Variants in ANK3 observed in about 807,000 individuals in gnomAD.
The protein encoded by ANK3 is ankyrin-3.
A neutral mutation model predicts 370.9 loss-of-function variants in ANK3; 57 were observed. The ratio of observed to expected loss-of-function variants is 0.15; its 90% CI spans 0.12 to 0.19. ANK3 has a LOEUF of 0.19. Among genes scored for constraint, ANK3 ranks in the 10% least tolerant of loss-of-function variants. ANK3 has a pLI of 1.00. For missense variants in ANK3, 4,439 were observed against 5,302.1 expected, an observed-to-expected ratio of 0.84 and a Z score of 5.06; for synonymous variants, 1,929 against 1,946.3, an observed-to-expected ratio of 0.99 and a Z score of 0.23.
intron 1 of ANK3, among the ~76,000 whole-genome samples, chr10:60,296,044 A>G (rs1490257988): frequency 1.3e-5 from 2 of 152,194 alleles, no homozygotes; most frequent in African/African-American, 2.4e-5. Context: ...CGAAGAGAAC[A>G]TTTAAGCAAA....
chr10:60,282,974 A>G (rs542050870), intron 1 of ANK3, among the ~76,000 whole-genome samples: 1 of 152,300 alleles, frequency 6.6e-6, no homozygotes, highest in African/African-American at 2.4e-5. Context: ...CCACCGGCAA[A>G]CAAAACAGCC....
rs145022058 is a variant in ANK3, at chr10:60,140,028, G to T, written c.2615-941C>A. 25 of 385,836 alleles carry T rather than the reference G, an allele frequency of 6.5e-5. 1 individual carries two copies. The highest frequency in any genetic ancestry group is 5.0e-4 in the African/African-American group (24 of 47,838). The allele number at this position is 385,836 out of a possible 1,614,324, so 23.9% of individuals were successfully genotyped here. A position where few individuals can be genotyped will look rare whatever the true frequency, so the allele number is the denominator to read the frequency against. ...CTTCACTGGCCAAGAGATTGCAAAAGTGTACATGTTGTGTTTTCTCAAAGG... is the reference window on the plus strand; with the variant it reads ...CTTCACTGGCCAAGAGATTGCAAAATTGTACATGTTGTGTTTTCTCAAAGG... On this transcript the variant is annotated intron_variant, in intron 23 of 43. Transcript: ENST00000280772.
chr10:60,320,235 T>C (rs1348431455), intron 1 of ANK3, among the ~76,000 whole-genome samples: 2 of 152,174 alleles, frequency 1.3e-5, no homozygotes, highest in Non-Finnish European at 2.9e-5. Flanking sequence ...CCTTAAGGCA[T>C]AGAAATGCAA....
At chr10:60,246,654 T>A (rs1275324394) in intron 7 of ANK3, among the ~76,000 whole-genome samples, 1 of 152,172 alleles carries the variant, frequency 6.6e-6, no homozygotes, top group Non-Finnish European at 1.5e-5. Context: ...AGTGTTGGGA[T>A]CTGTTCTAAA....
At chr10:60,329,217 C>G (rs995985764) in intron 1 of ANK3, among the ~76,000 whole-genome samples, 3 of 152,126 alleles carry the variant, frequency 2.0e-5, no homozygotes, top group African/African-American at 7.2e-5. Flanking sequence ...CGCTTGAAAA[C>G]CGGCACAAGA....
intron 42 of ANK3, 197 bp from the exon 43 acceptor site, chr10:60,042,956 C>A: frequency 7.3e-7 from 1 of 1,371,632 alleles, no homozygotes; most frequent in Non-Finnish European, 9.4e-7. Context: ...AGAGCACTGT[C>A]AAAATGAATA....
chr10:60,036,993 T>C (rs953906933), intron 43 of ANK3, among the ~76,000 whole-genome samples: 1 of 152,204 alleles, frequency 6.6e-6, no homozygotes, highest in Admixed American at 6.5e-5. Flanking sequence ...ATGCCTGTCA[T>C]TCTTCTTAAA....
At chr10:60,687,811 C>A (rs1320682491) in intron 1 of ANK3, among the ~76,000 whole-genome samples, 1 of 152,210 alleles carries the variant, frequency 6.6e-6, no homozygotes, top group East Asian at 1.9e-4. Context: ...GGTTATATAA[C>A]CTAAATGTCC....
intron 2 of ANK3, among the ~76,000 whole-genome samples, chr10:60,479,133 A>G (rs2075145940): frequency 6.6e-6 from 1 of 152,138 alleles, no homozygotes; most frequent in South Asian, 2.1e-4. Context: ...CTTGAAATTT[A>G]AGTAATAAAA....
chr10:60,622,611 G>T (rs2078353207), intron 1 of ANK3, among the ~76,000 whole-genome samples: 1 of 152,132 alleles, frequency 6.6e-6, no homozygotes, highest in South Asian at 2.1e-4. Flanking sequence ...GTTTACCACT[G>T]TATCTCTTGT....
At chr10:60,123,513 G>GA (rs889681797) in intron 25 of ANK3, among the ~76,000 whole-genome samples, 43 of 152,044 alleles carry the variant, frequency 2.8e-4, no homozygotes, top group African/African-American at 1.0e-3. Flanking sequence ...AAGAGAGAGA[G>GA]AAAAAAAGGA....
Position 60,074,068 on chromosome 10 carries a change from C to G in ANK3, c.6813G>C (p.Met2271Ile), listed in dbSNP as rs1589609938. 1 of 1,614,108 alleles carries G rather than the reference C, an allele frequency of 6.2e-7. No homozygotes were observed. The highest frequency in any genetic ancestry group is 1.1e-5 in the South Asian group (1 of 91,078). The change falls in exon 37 of 44, where the codon ATG (methionine) becomes ATC (isoleucine). Residue 2271 changes from methionine to isoleucine, a missense_variant. By Grantham distance (10) the Met-to-Ile change is conservative (BLOSUM62 1). Coordinates refer to ENST00000280772, the MANE Select transcript of ANK3 (RefSeq NM_020987.5). ...EGASERIEET[M>I]SVHDIMKAFQ... ...AGGCCTTCATGATGTCATGGACTGA[C>G]ATGGTTTCTTCAATTCTTTCAGATG...
chr10:60,078,364 A>G (rs988029018), intron 36 of ANK3, among the ~76,000 whole-genome samples: 2 of 152,178 alleles, frequency 1.3e-5, no homozygotes, highest in Admixed American at 1.3e-4. Context: ...ATAATTCTCA[A>G]TATTATATTG....
chr10:60,490,898 A>G (rs1305907911), intron 2 of ANK3, among the ~76,000 whole-genome samples: 2 of 152,186 alleles, frequency 1.3e-5, no homozygotes, highest in Non-Finnish European at 2.9e-5. Context: ...GAGCATCTCC[A>G]TCCCTCAAGA....
intron 2 of ANK3, among the ~76,000 whole-genome samples, chr10:60,401,728 G>A (rs975021643): frequency 1.3e-5 from 2 of 152,128 alleles, no homozygotes; most frequent in Non-Finnish European, 2.9e-5. Context: ...TGATGTACAT[G>A]TCATTTTTTA....
chr10:60,059,581 C>T, intron 40 of ANK3, 151 bp from the exon 41 acceptor site: 1 of 1,287,590 alleles, frequency 7.8e-7, no homozygotes, highest in Non-Finnish European at 1.1e-6. Flanking sequence ...ATCTCCTCAT[C>T]AGGACCAGAT....
intron 8 of ANK3, among the ~76,000 whole-genome samples, chr10:60,223,574 G>C (rs942871683): frequency 1.3e-5 from 2 of 152,122 alleles, no homozygotes; most frequent in African/African-American, 4.8e-5. Flanking sequence ...GTAAATGAAT[G>C]AATGGAGTGA....
chr10:60,091,181 C>G (rs187028404), intron 28 of ANK3, among the ~76,000 whole-genome samples: 1 of 152,350 alleles, frequency 6.6e-6, no homozygotes, highest in Non-Finnish European at 1.5e-5. Context: ...GTTGGGATTA[C>G]AGGCATGAGC....
chr10:60,452,453 C>A lies in ANK3; in HGVS notation c.96+162733G>T, dbSNP rs565076781. 6.6e-5 allele frequency among the ~76,000 whole-genome samples: 10 copies of A among 152,312 alleles called. No homozygotes were observed. In the South Asian group the frequency reaches 1.9e-3, roughly 28 times the overall value. On this transcript the variant is annotated intron_variant, in intron 2 of 43. Coordinates refer to the ANK3 transcript ENST00000373827. Reference sequence around the variant, plus strand: ...CACTGAGAAACTGTGCCTGGCCATACCCTTTTAGTATTATTGATACCCTAT... The same window carrying A: ...CACTGAGAAACTGTGCCTGGCCATAACCTTTTAGTATTATTGATACCCTAT...
Sources: allele counts gnomAD v4.1 joint callset (sites outside exome capture counted in the v4.1 genomes callset), GRCh38; gene constraint gnomAD v4.1.1; transcripts MANE v1.5; gene names NCBI Gene and HGNC (gene_info 2026-07-23, HGNC 2026-07-21).